Variants in PAK5 observed in about 807,000 individuals in gnomAD.
PAK5 encodes the protein serine/threonine-protein kinase PAK 5.
Under a neutral mutation model 65.9 loss-of-function variants are expected in PAK5, and 16 were observed. The observed-to-expected ratio is 0.24, with a 90% CI of 0.16 to 0.37. PAK5 has a LOEUF of 0.37. Ranked by LOEUF, PAK5 falls within the 10% of genes least tolerant of loss-of-function variation. PAK5 has a pLI of 1.00. For synonymous variants in PAK5, 371 were observed against 354.9 expected (o/e 1.05, Z -0.51); for missense variants, 785 against 903.9 (o/e 0.87, Z 1.69).
At chr20:9,702,785 G>T (rs2047956306) in intron 2 of PAK5, among the ~76,000 whole-genome samples, 1 of 152,116 alleles carries the variant, frequency 6.6e-6, no homozygotes, top group Admixed American at 6.6e-5. Context: ...ATTTTGCTAT[G>T]CATTATAGTA....
chr20:9,539,371 A>G lies in PAK5; in HGVS notation c.*91T>C. On this transcript the variant is annotated 3_prime_UTR_variant, in exon 10 of 10. Transcript: ENST00000353224. Reference sequence around the variant, plus strand: ...CCACCAATTGGCTGGTCTAGAATGCACAGGCCTTTTGCATGTTCTGTGTTT... The same window carrying G: ...CCACCAATTGGCTGGTCTAGAATGCGCAGGCCTTTTGCATGTTCTGTGTTT... 7.8e-7 allele frequency: 1 copy of G among 1,288,902 alleles called. No individual in the cohort carries two copies. The highest frequency in any genetic ancestry group is 1.1e-6 in the Non-Finnish European group (1 of 901,432). 79.8% of individuals were successfully genotyped at this position (1,288,902 alleles called of 1,614,324 possible). A position where few individuals can be genotyped will look rare whatever the true frequency, so the allele number is the denominator to read the frequency against.
intron 2 of PAK5, among the ~76,000 whole-genome samples, chr20:9,696,550 T>C (rs1272348769): frequency 6.6e-6 from 1 of 152,104 alleles, no homozygotes; most frequent in Non-Finnish European, 1.5e-5. Context: ...GCACGACAAA[T>C]GGTCTACTAC....
chr20:9,635,067 A>G (rs1273644203), intron 3 of PAK5, among the ~76,000 whole-genome samples: 1 of 152,214 alleles, frequency 6.6e-6, no homozygotes. Context: ...AATCTGTCTA[A>G]TGGGTTTCAT....
chr20:9,786,679 A>C (rs903149784), intron 1 of PAK5, among the ~76,000 whole-genome samples: 3 of 152,012 alleles, frequency 2.0e-5, no homozygotes, highest in African/African-American at 7.3e-5. Flanking sequence ...TCTAAGATAC[A>C]CCTATATAAT....
intron 2 of PAK5, among the ~76,000 whole-genome samples, chr20:9,702,158 C>T (rs547969922): frequency 9.2e-5 from 14 of 152,032 alleles, no homozygotes; most frequent in African/African-American, 3.4e-4. Context: ...CTGGGTAGCT[C>T]TAAAGGAATA....
chr20:9,734,293 G>T (rs1211319809), intron 1 of PAK5, among the ~76,000 whole-genome samples: 2 of 152,262 alleles, frequency 1.3e-5, no homozygotes, highest in African/African-American at 2.4e-5. Flanking sequence ...CAGGCCAAAG[G>T]TCTGTTTGGA....
chr20:9,540,822 T>C (rs967854859), intron 9 of PAK5, among the ~76,000 whole-genome samples: 1 of 151,884 alleles, frequency 6.6e-6, no homozygotes, highest in Non-Finnish European at 1.5e-5. Context: ...CTGCAAGCTC[T>C]GCCTCCCAGG....
intron 3 of PAK5, among the ~76,000 whole-genome samples, chr20:9,630,904 C>A (rs6086964): frequency 0.52 from 78,741 of 151,962 alleles, 21,018 homozygotes; most frequent in African/African-American, 0.63. Context: ...TTATCCTGTG[C>A]TGTCCCACCA....
intron 1 of PAK5, among the ~76,000 whole-genome samples, chr20:9,760,350 A>T (rs1324539582): frequency 6.6e-6 from 1 of 152,148 alleles, no homozygotes; most frequent in Non-Finnish European, 1.5e-5. Flanking sequence ...TAAATGATCT[A>T]CTTGATCAAC....
chr20:9,823,137 T>A (rs1202221671), intron 1 of PAK5, among the ~76,000 whole-genome samples: 1 of 152,206 alleles, frequency 6.6e-6, no homozygotes. Context: ...ATCCCTTTTT[T>A]ACCCTTCTGC....
intron 3 of PAK5, among the ~76,000 whole-genome samples, chr20:9,591,200 A>G (rs2046164738): frequency 6.6e-6 from 1 of 152,188 alleles, no homozygotes; most frequent in East Asian, 1.9e-4. Context: ...TGAGGCTCAG[A>G]GAGGCCAAGG....
intron 2 of PAK5, among the ~76,000 whole-genome samples, chr20:9,683,309 G>A (rs1288925059): frequency 6.6e-6 from 1 of 152,148 alleles, no homozygotes; most frequent in Non-Finnish European, 1.5e-5. Flanking sequence ...CTGTCCTTTT[G>A]GGAATGAAGT....
At chr20:9,588,848 A>G (rs936729895) in intron 3 of PAK5, among the ~76,000 whole-genome samples, 5 of 152,144 alleles carry the variant, frequency 3.3e-5, no homozygotes, top group African/African-American at 1.2e-4. Context: ...TTTCCATTGT[A>G]CCCTGGACCA....
intron 7 of PAK5, among the ~76,000 whole-genome samples, chr20:9,550,164 C>A (rs989511446): frequency 6.6e-6 from 1 of 152,062 alleles, no homozygotes; most frequent in Non-Finnish European, 1.5e-5. Flanking sequence ...TGCAGGGGTT[C>A]GGAAGTTCCT....
chr20:9,760,022 C>T (rs1435373066), intron 1 of PAK5, among the ~76,000 whole-genome samples: 2 of 152,156 alleles, frequency 1.3e-5, no homozygotes, highest in African/African-American at 4.8e-5. Flanking sequence ...TTTTCCAGGG[C>T]TTATATTGAA....
intron 2 of PAK5, among the ~76,000 whole-genome samples, chr20:9,705,385 A>G (rs2047993323): frequency 6.6e-6 from 1 of 152,202 alleles, no homozygotes; most frequent in Non-Finnish European, 1.5e-5. Flanking sequence ...TTCACACTCA[A>G]TTGATTGGCA....
In PAK5 at chr20:9,633,085, C is replaced by T. The variant is rs1399436644; in HGVS notation, c.204+11040G>A. 2.0e-5 allele frequency among the ~76,000 whole-genome samples: 3 copies of T among 152,136 alleles called. No homozygotes were observed. The East Asian group carries it at 5.8e-4, about 29-fold the overall frequency. On this transcript the variant is annotated intron_variant, in intron 3 of 9. Coordinates refer to ENST00000353224, the MANE Select transcript of PAK5 (RefSeq NM_177990.4). ...TGTCCTATAAGGTTGCACAACAAAC[C>T]ACCCACACTCAGGTTCATACAATGA...
chr20:9,832,292 T>A (rs972579957), intron 1 of PAK5, among the ~76,000 whole-genome samples: 5 of 152,000 alleles, frequency 3.3e-5, no homozygotes, highest in Non-Finnish European at 7.4e-5. Context: ...TTTTTAATGG[T>A]GACAGAGTAT....
At chr20:9,623,836 A>G (rs1337449777) in intron 3 of PAK5, among the ~76,000 whole-genome samples, 2 of 152,246 alleles carry the variant, frequency 1.3e-5, no homozygotes, top group Non-Finnish European at 2.9e-5. Context: ...AATAGTGAAA[A>G]GAGAGGAAAT....
Sources: allele counts gnomAD v4.1 joint callset (sites outside exome capture counted in the v4.1 genomes callset), GRCh38; gene constraint gnomAD v4.1.1; transcripts MANE v1.5; gene names NCBI Gene and HGNC (gene_info 2026-07-23, HGNC 2026-07-21).